DLGAP2: variants seen among roughly 807,000 people sequenced by gnomAD.
DLGAP2 encodes DLG associated protein 2.
DLGAP2 carries 26 observed loss-of-function variants against 100.3 expected under a neutral mutation model. That is an observed-to-expected ratio of 0.26 (90% CI 0.19 to 0.36). DLGAP2 has a LOEUF of 0.36. Ranked by LOEUF, DLGAP2 falls within the 10% of genes least tolerant of loss-of-function variation. The pLI, the probability that DLGAP2 is intolerant of heterozygous loss-of-function variation, is 1.00. For missense variants in DLGAP2, 1,858 were observed against 1,453.2 expected (o/e 1.28, Z -4.53); for synonymous variants, 886 against 630.1 (o/e 1.41, Z -6.08).
chr8:1,084,618 A>G (rs1315368943), intron 2 of DLGAP2, among the ~76,000 whole-genome samples: 2 of 152,160 alleles, frequency 1.3e-5, no homozygotes, highest in Admixed American at 1.3e-4. Flanking sequence ...TTAAGTGAGA[A>G]CATTCAGTAT....
intron 2 of DLGAP2, among the ~76,000 whole-genome samples, chr8:1,134,339 G>T (rs774668458): frequency 1.3e-5 from 2 of 152,126 alleles, no homozygotes; most frequent in Non-Finnish European, 2.9e-5. Flanking sequence ...ATTCCTTTGG[G>T]TTTATACCCA....
At chr8:1,094,289 G>A (rs1804293971) in intron 2 of DLGAP2, among the ~76,000 whole-genome samples, 1 of 152,192 alleles carries the variant, frequency 6.6e-6, no homozygotes, top group Admixed American at 6.5e-5. Flanking sequence ...ATATTTTAAG[G>A]CATTTTAACT....
chr8:1,668,716 C>G, intron 9 of DLGAP2, 38 bp downstream of exon 9: 1 of 1,476,300 alleles, frequency 6.8e-7, no homozygotes, highest in Non-Finnish European at 9.0e-7. Flanking sequence ...CCTCGCTCCA[C>G]TCAGTCCTGC....
chr8:859,808 G>C (rs555341568), intron 1 of DLGAP2, among the ~76,000 whole-genome samples: 191 of 152,254 alleles, frequency 1.3e-3, no homozygotes, highest in Non-Finnish European at 2.2e-3. Context: ...ACCCTAATTA[G>C]AGTGAGGTGC....
At chr8:817,386 A>G (rs1421382894) in intron 1 of DLGAP2, among the ~76,000 whole-genome samples, 1 of 152,112 alleles carries the variant, frequency 6.6e-6, no homozygotes, top group African/African-American at 2.4e-5. Context: ...ATGTTTCTTC[A>G]TTTCCTTAAG....
chr8:1,494,354 A>C (rs934870215), intron 3 of DLGAP2, among the ~76,000 whole-genome samples: 6 of 152,344 alleles, frequency 3.9e-5, no homozygotes, highest in African/African-American at 7.2e-5. Flanking sequence ...TGAGTTTAAA[A>C]ACCTGTCAAT....
At chr8:1,672,146 C>T (rs1459191701) in intron 10 of DLGAP2, among the ~76,000 whole-genome samples, 13 of 152,170 alleles carry the variant, frequency 8.5e-5, no homozygotes, top group Admixed American at 8.5e-4. Flanking sequence ...GTCTAACATT[C>T]AGGGTCCTTC....
At chr8:1,426,590 T>C (rs1190535717) in intron 3 of DLGAP2, among the ~76,000 whole-genome samples, 1 of 151,888 alleles carries the variant, frequency 6.6e-6, no homozygotes, top group East Asian at 1.9e-4. Flanking sequence ...GAAGGAAAAA[T>C]CCCCAACCTG....
intron 3 of DLGAP2, among the ~76,000 whole-genome samples, chr8:1,360,722 C>T (rs73170490): frequency 0.022 from 3,371 of 152,254 alleles, 62 homozygotes; most frequent in Non-Finnish European, 0.037. Flanking sequence ...TCGGTGGCCT[C>T]GTTCTTCCGG....
chr8:1,360,037 C>G (rs894074248), intron 3 of DLGAP2, among the ~76,000 whole-genome samples: 1 of 152,072 alleles, frequency 6.6e-6, no homozygotes, highest in Non-Finnish European at 1.5e-5. Flanking sequence ...AGGACCATCG[C>G]GAGCCACTTT....
At chr8:1,609,349 T>A (rs550545942) in intron 6 of DLGAP2, among the ~76,000 whole-genome samples, 1 of 135,412 alleles carries the variant, frequency 7.4e-6, no homozygotes, top group East Asian at 2.7e-4. Flanking sequence ...CTGAGAGATT[T>A]TGTCACCACC....
At chr8:1,029,545 T>C (rs1801915498) in intron 2 of DLGAP2, among the ~76,000 whole-genome samples, 1 of 130,744 alleles carries the variant, frequency 7.6e-6, no homozygotes, top group Admixed American at 8.3e-5. Flanking sequence ...CGACCAACGG[T>C]GTCCAGCAGT....
intron 1 of DLGAP2, among the ~76,000 whole-genome samples, chr8:820,878 C>G (rs1484602686): frequency 6.6e-6 from 1 of 152,094 alleles, no homozygotes; most frequent in African/African-American, 2.4e-5. Context: ...AGATGTAGTT[C>G]TGTCTGTACC....
At chr8:1,323,999 C>G (rs1800965558) in intron 3 of DLGAP2, among the ~76,000 whole-genome samples, 1 of 152,164 alleles carries the variant, frequency 6.6e-6, no homozygotes, top group Non-Finnish European at 1.5e-5. Context: ...GTTGCTGTTT[C>G]TTTACACCAG....
At chr8:887,142 T>C (rs1180653759) in intron 1 of DLGAP2, among the ~76,000 whole-genome samples, 1 of 152,188 alleles carries the variant, frequency 6.6e-6, no homozygotes, top group African/African-American at 2.4e-5. Flanking sequence ...TTGCCATTTT[T>C]GATCTTTGTT....
chr8:850,368 A>G (rs1029203472), intron 1 of DLGAP2, among the ~76,000 whole-genome samples: 3 of 152,190 alleles, frequency 2.0e-5, no homozygotes, highest in African/African-American at 4.8e-5. Flanking sequence ...GCCTCTTGAA[A>G]GATTTCTGCA....
chr8:1,110,229 AC>A (rs1305240021), intron 2 of DLGAP2, among the ~76,000 whole-genome samples: 20 of 94,964 alleles, frequency 2.1e-4, no homozygotes, highest in Non-Finnish European at 2.1e-4. Flanking sequence ...TGGGTCTGTG[AC>A]GTGTGCTGGA....
At chr8:1,237,090 G>C (rs1432095779) in intron 2 of DLGAP2, among the ~76,000 whole-genome samples, 1 of 130,034 alleles carries the variant, frequency 7.7e-6, no homozygotes, top group Non-Finnish European at 1.6e-5. Context: ...GCCGTGTCTA[G>C]TTCTCTCACA....
chr8:1,655,730 A>G (rs1164876847), intron 8 of DLGAP2, among the ~76,000 whole-genome samples: 4 of 152,204 alleles, frequency 2.6e-5, no homozygotes, highest in Non-Finnish European at 4.4e-5. Context: ...TTGGTCCAAA[A>G]TCTCCTCCAC....
Sources: allele counts gnomAD v4.1 joint callset (sites outside exome capture counted in the v4.1 genomes callset), GRCh38; gene constraint gnomAD v4.1.1; transcripts MANE v1.5; gene names NCBI Gene and HGNC (gene_info 2026-07-23, HGNC 2026-07-21).